The following EDARADD variants were observed in gnomAD, a reference collection of about 807,000 sequenced individuals.
EDARADD encodes the protein EDAR associated via death domain, also known as ectodysplasin-A receptor-associated adapter protein.
A neutral mutation model predicts 25.6 loss-of-function variants in EDARADD; 20 were observed. The observed-to-expected ratio is 0.78, with a 90% confidence interval of 0.55 to 1.14. EDARADD has a LOEUF of 1.14. Among genes scored for constraint, EDARADD ranks in the 50% most tolerant of loss-of-function variants. The pLI is 0.00. For missense variants in EDARADD, 225 were observed against 270.1 expected, an observed-to-expected ratio of 0.83 and a Z score of 1.17; for synonymous variants, 86 against 94.4, an observed-to-expected ratio of 0.91 and a Z score of 0.52.
At chr1:236,437,405 C>T (rs1038620057) in intron 4 of EDARADD, among the ~76,000 whole-genome samples, 2 of 151,950 alleles carry the variant, frequency 1.3e-5, no homozygotes, top group South Asian at 2.1e-4. Flanking sequence ...GGAAAGTTCC[C>T]GAAAGAGTCT....
intron 4 of EDARADD, among the ~76,000 whole-genome samples, chr1:236,457,897 A>C (rs1186228957): frequency 6.6e-6 from 1 of 152,028 alleles, no homozygotes. Context: ...TTATTTCCCC[A>C]AGAAGAGCGG....
At chr1:236,391,287 G>A (rs1268376332), upstream of EDARADD, among the ~76,000 whole-genome samples, 3 of 152,146 alleles carry the variant, frequency 2.0e-5, no homozygotes, top group Non-Finnish European at 4.4e-5. Context: ...GATTGAGGAT[G>A]GGAACAGTGA....
intron 1 of EDARADD, among the ~76,000 whole-genome samples, chr1:236,405,959 T>G (rs1031816005): frequency 6.8e-6 from 1 of 146,876 alleles, no homozygotes; most frequent in African/African-American, 2.5e-5. Flanking sequence ...ATTCTAATTT[T>G]CCTGTAGGAA....
At chr1:236,348,429 T>G (rs61835532) in intron 1 of EDARADD, 53,541 of 152,220 alleles carry the variant, frequency 0.35, 11,277 homozygotes, top group Non-Finnish European at 0.49. Flanking sequence ...CTGAGGTGCC[T>G]GCCGGGCTGC....
intron 4 of EDARADD, among the ~76,000 whole-genome samples, chr1:236,440,363 C>G (rs1391969065): frequency 1.3e-5 from 2 of 151,910 alleles, no homozygotes; most frequent in African/African-American, 4.8e-5. Flanking sequence ...TCTTTTTGTC[C>G]CTCCATGTAA....
At chr1:236,390,959 A>T (rs963606705), upstream of EDARADD, among the ~76,000 whole-genome samples, 1 of 150,834 alleles carries the variant, frequency 6.6e-6, no homozygotes, top group African/African-American at 2.4e-5. Context: ...TATTATTATT[A>T]TTTTTTGAGA....
At chr1:236,479,819 G>A (rs1659619753) in intron 5 of EDARADD, among the ~76,000 whole-genome samples, 1 of 151,584 alleles carries the variant, frequency 6.6e-6, no homozygotes, top group South Asian at 2.1e-4. Context: ...ACTGAGGCAG[G>A]AGGATTGCTT....
rs34634477 is a variant in EDARADD, at chr1:236,372,914, A to ATTTT, written c.-6+22091_-6+22094dup. On this transcript the variant is annotated intron_variant, in intron 3 of 7. Transcript: ENST00000439430. The stretch of plus-strand genomic sequence containing the variant: ...GGATCATTGTGATGTCTCTTCTTAC[A>ATTTT]TTTTTTTTTTTTTTTTTTTGAGACA... Among the ~76,000 whole-genome samples, 347 of 113,554 alleles carry ATTTT rather than the reference A, an allele frequency of 3.1e-3. 12 individuals carry two copies. Among genetic ancestry groups the ATTTT allele is most frequent in the African/African-American group, 5.3e-3 (159 of 29,774 alleles). The allele number at this position is 113,554 out of a possible 152,430, so 74.5% of individuals were successfully genotyped here.
At chr1:236,445,755 G>T (rs999416543) in intron 4 of EDARADD, among the ~76,000 whole-genome samples, 1 of 152,216 alleles carries the variant, frequency 6.6e-6, no homozygotes, top group Admixed American at 6.5e-5. Flanking sequence ...AGAGTCTTGG[G>T]AGGTGAGATA....
At chr1:236,443,772 C>T (rs1162335935) in intron 4 of EDARADD, among the ~76,000 whole-genome samples, 1 of 152,122 alleles carries the variant, frequency 6.6e-6, no homozygotes, top group Non-Finnish European at 1.5e-5. Context: ...AGTACATAAA[C>T]TTAGAATAGT....
At chr1:236,369,651 C>T (rs1667153834) in intron 3 of EDARADD, among the ~76,000 whole-genome samples, 1 of 151,836 alleles carries the variant, frequency 6.6e-6, no homozygotes, top group Admixed American at 6.6e-5. Context: ...AGACCAGCCT[C>T]AACATGGAGA....
intron 4 of EDARADD, among the ~76,000 whole-genome samples, chr1:236,466,406 TTCTC>T (rs1447776532): frequency 7.0e-6 from 1 of 143,080 alleles, no homozygotes; most frequent in African/African-American, 2.6e-5. Context: ...CTTCATCTGT[TTCTC>T]TCTTTCTCTC....
At chr1:236,438,263 G>A (rs147030496) in intron 4 of EDARADD, among the ~76,000 whole-genome samples, 1 of 152,222 alleles carries the variant, frequency 6.6e-6, no homozygotes, top group Admixed American at 6.5e-5. Context: ...GGTACTGAGG[G>A]TTAGGATTCC....
At chr1:236,416,041 T>TC (rs144992471) in intron 3 of EDARADD, among the ~76,000 whole-genome samples, 6,260 of 152,100 alleles carry the variant, frequency 0.041, 328 homozygotes, top group African/African-American at 0.13. Flanking sequence ...CCTCCTCTTC[T>TC]CCCCCTACTA....
At chr1:236,350,048 G>A (rs1031955673) in intron 2 of EDARADD, among the ~76,000 whole-genome samples, 8 of 152,148 alleles carry the variant, frequency 5.3e-5, no homozygotes, top group Middle Eastern at 3.2e-3. Context: ...GGAGGCAGAG[G>A]TTGCAGTGAG....
chr1:236,405,126 A>G (rs1667684270), intron 1 of EDARADD, among the ~76,000 whole-genome samples: 4 of 152,198 alleles, frequency 2.6e-5, no homozygotes. Flanking sequence ...TTTTAAAAAA[A>G]GACCTGAAAA....
Position 236,483,675 on chromosome 1 carries a change from C to T in EDARADD, c.*1026C>T, listed in dbSNP as rs1272646781. 1.3e-6 allele frequency: 2 copies of T among 1,573,100 alleles called. No homozygotes were observed. Among genetic ancestry groups the T allele is most frequent in the African/African-American group, 2.7e-5 (2 of 74,094 alleles). On this transcript the variant is annotated 3_prime_UTR_variant, in exon 6 of 6. Transcript: ENST00000334232. ...GCTGGCCATGCAGGAGTTCATGGTC[C>T]TCCCAGTCGGTGCAGCAAACTTCAG...
At chr1:236,429,902 G>T (rs1043891706) in intron 4 of EDARADD, among the ~76,000 whole-genome samples, 1 of 152,142 alleles carries the variant, frequency 6.6e-6, no homozygotes, top group Non-Finnish European at 1.5e-5. Flanking sequence ...TATCTCAAAG[G>T]CATGTTTTGC....
intron 4 of EDARADD, among the ~76,000 whole-genome samples, chr1:236,457,025 C>T (rs952655413): frequency 6.6e-6 from 1 of 152,204 alleles, no homozygotes; most frequent in South Asian, 2.1e-4. Context: ...TTTCCCACTG[C>T]CAGTTCCTGC....
Sources: gnomAD v4.1 joint callset for allele counts (sites outside exome capture counted in the v4.1 genomes callset) on GRCh38, gnomAD v4.1.1 for gene constraint, MANE v1.5 for transcripts, NCBI Gene and HGNC (gene_info 2026-07-23, HGNC 2026-07-21) for gene names.